CSMD1: variants seen among roughly 807,000 people sequenced by gnomAD.
The protein encoded by CSMD1 is CUB and sushi domain-containing protein 1.
A neutral mutation model predicts 417.5 loss-of-function variants in CSMD1; 213 were observed. The ratio of observed to expected loss-of-function variants is 0.51; its 90% CI spans 0.46 to 0.57. The LOEUF is 0.57. Among genes scored for constraint, CSMD1 ranks in the 20% least tolerant of loss-of-function variants. CSMD1 has a pLI of 0.00. For synonymous variants in CSMD1, 2,862 were observed against 1,736.8 expected (o/e 1.65, Z -16.11); for missense variants, 6,923 against 4,529.7 (o/e 1.53, Z -15.17).
chr8:4,640,225 T>A (rs1396409966), intron 1 of CSMD1, among the ~76,000 whole-genome samples: 2 of 152,232 alleles, frequency 1.3e-5, no homozygotes, highest in East Asian at 1.9e-4. Flanking sequence ...TGACATTCCA[T>A]AGCACCGGTT....
intron 50 of CSMD1, among the ~76,000 whole-genome samples, chr8:3,034,179 T>C (rs1810519064): frequency 6.6e-6 from 1 of 152,262 alleles, no homozygotes; most frequent in African/African-American, 2.4e-5. Flanking sequence ...AAAAGTTTTC[T>C]CTTAACAGGT....
intron 5 of CSMD1, among the ~76,000 whole-genome samples, chr8:3,891,369 A>T (rs1018808070): frequency 2.6e-5 from 4 of 152,076 alleles, no homozygotes; most frequent in Non-Finnish European, 5.9e-5. Context: ...TCTTGAAATT[A>T]GGTCAATTCA....
chr8:3,301,714 G>A (rs962438897), intron 25 of CSMD1, among the ~76,000 whole-genome samples: 1 of 152,136 alleles, frequency 6.6e-6, no homozygotes, highest in East Asian at 1.9e-4. Context: ...GCCGCACTAA[G>A]CCAAATTCTA....
At chr8:3,445,965 G>C (rs902010653) in intron 12 of CSMD1, among the ~76,000 whole-genome samples, 4 of 152,184 alleles carry the variant, frequency 2.6e-5, no homozygotes, top group African/African-American at 9.6e-5. Flanking sequence ...ATGACTGCTT[G>C]TTCTGGGCAC....
At chr8:4,571,806 G>A (rs946287242) in intron 2 of CSMD1, among the ~76,000 whole-genome samples, 14 of 152,032 alleles carry the variant, frequency 9.2e-5, no homozygotes, top group African/African-American at 3.1e-4. Flanking sequence ...CGAATCTGGG[G>A]GCTTCTATAT....
intron 5 of CSMD1, among the ~76,000 whole-genome samples, chr8:3,957,590 G>A (rs549604925): frequency 2.6e-5 from 4 of 152,174 alleles, no homozygotes; most frequent in African/African-American, 9.6e-5. Flanking sequence ...AGGCTGAGGT[G>A]GACAGATGGC....
intron 3 of CSMD1, among the ~76,000 whole-genome samples, chr8:4,337,744 G>A (rs147481748): frequency 3.3e-5 from 5 of 152,278 alleles, no homozygotes; most frequent in Non-Finnish European, 7.4e-5. Context: ...GAATGGATTA[G>A]TAGTACAGCC....
At chr8:4,480,514 C>T (rs1236744947) in intron 2 of CSMD1, among the ~76,000 whole-genome samples, 3 of 152,312 alleles carry the variant, frequency 2.0e-5, no homozygotes, top group East Asian at 3.9e-4. Context: ...ACTTGGTGGA[C>T]GGAAATTTCT....
intron 3 of CSMD1, among the ~76,000 whole-genome samples, chr8:4,373,381 A>G (rs146950937): frequency 1.8e-4 from 28 of 152,336 alleles, no homozygotes; most frequent in African/African-American, 6.3e-4. Context: ...AACTGCAACA[A>G]ATGTGCCACC....
chr8:4,697,248 G>A (rs1389231322), intron 1 of CSMD1, among the ~76,000 whole-genome samples: 1 of 152,110 alleles, frequency 6.6e-6, no homozygotes, highest in African/African-American at 2.4e-5. Flanking sequence ...GAACCTTGCT[G>A]TAAAGGCCCT....
chr8:4,946,886 C>T (rs1195043147), intron 1 of CSMD1, among the ~76,000 whole-genome samples: 1 of 151,568 alleles, frequency 6.6e-6, no homozygotes, highest in Non-Finnish European at 1.5e-5. Context: ...ATTTAATAAT[C>T]AGAAAATATA....
chr8:3,647,937 CAT>C (rs1401344337), intron 7 of CSMD1, among the ~76,000 whole-genome samples: 1 of 152,238 alleles, frequency 6.6e-6, no homozygotes, highest in East Asian at 1.9e-4. Context: ...TTGTAAGAGA[CAT>C]GTGCCACTTC....
At chr8:3,173,134 C>T (rs73183559) in intron 37 of CSMD1, among the ~76,000 whole-genome samples, 6,992 of 152,194 alleles carry the variant, frequency 0.046, 218 homozygotes, top group Non-Finnish European at 0.074. Context: ...CATGTGATTA[C>T]GTAATTTATT....
At chr8:3,784,397 A>G (rs1345850567) in intron 5 of CSMD1, among the ~76,000 whole-genome samples, 1 of 152,200 alleles carries the variant, frequency 6.6e-6, no homozygotes, top group Non-Finnish European at 1.5e-5. Context: ...TTCAGCCCAG[A>G]AATAACTGCT....
At chr8:3,782,480 T>C (rs1214771570) in intron 5 of CSMD1, among the ~76,000 whole-genome samples, 1 of 152,148 alleles carries the variant, frequency 6.6e-6, no homozygotes, top group Non-Finnish European at 1.5e-5. Flanking sequence ...GATAATCTAA[T>C]AAAATCAAGT....
intron 21 of CSMD1, among the ~76,000 whole-genome samples, chr8:3,353,855 G>C (rs75744528): frequency 6.6e-6 from 1 of 152,104 alleles, no homozygotes; most frequent in South Asian, 2.1e-4. Context: ...TTTTGCAATT[G>C]AATGAAACTA....
intron 1 of CSMD1, among the ~76,000 whole-genome samples, chr8:4,894,206 C>T (rs1563695406): frequency 6.6e-6 from 1 of 152,018 alleles, no homozygotes; most frequent in African/African-American, 2.4e-5. Flanking sequence ...CAGATATGCC[C>T]AAACTTCATC....
At chr8:4,239,372 T>C (rs1287437646) in intron 3 of CSMD1, among the ~76,000 whole-genome samples, 1 of 152,188 alleles carries the variant, frequency 6.6e-6, no homozygotes, top group Non-Finnish European at 1.5e-5. Context: ...GAAGCTGTTT[T>C]CTCATTTGGC....
chr8:4,921,104 GA>G (rs988513037), intron 1 of CSMD1, among the ~76,000 whole-genome samples: 1 of 150,514 alleles, frequency 6.6e-6, no homozygotes, highest in Non-Finnish European at 1.5e-5. Flanking sequence ...GAAAAAAGAA[GA>G]AAGAAAGAAA....
Sources: gnomAD v4.1 joint callset for allele counts (sites outside exome capture counted in the v4.1 genomes callset) on GRCh38, gnomAD v4.1.1 for gene constraint, MANE v1.5 for transcripts, NCBI Gene and HGNC (gene_info 2026-07-23, HGNC 2026-07-21) for gene names.